ZNF385D: variants seen among roughly 807,000 people sequenced by gnomAD.
The protein encoded by ZNF385D is zinc finger protein 385D, also known as zinc finger protein 659.
Under a neutral mutation model 35.8 loss-of-function variants are expected in ZNF385D, and 15 were observed. That is an observed-to-expected ratio of 0.42 (90% CI 0.28 to 0.64). The LOEUF (loss-of-function observed/expected upper bound fraction) is 0.64, where lower values mean the gene tolerates loss of function less well. Ranked by LOEUF, ZNF385D falls within the 30% of genes least tolerant of loss-of-function variation. The pLI is 0.23. For missense variants in ZNF385D, 474 were observed against 494.6 expected (o/e 0.96, Z 0.39); for synonymous variants, 212 against 186.8 (o/e 1.13, Z -1.10).
intron 2 of ZNF385D, among the ~76,000 whole-genome samples, chr3:22,313,624 T>C (rs1703715894): frequency 1.3e-5 from 2 of 152,082 alleles, no homozygotes; most frequent in African/African-American, 4.8e-5. Context: ...TAAGGCAAAG[T>C]GATACAAGTG....
At chr3:21,503,917 G>C (rs894937969) in intron 4 of ZNF385D, among the ~76,000 whole-genome samples, 1 of 151,968 alleles carries the variant, frequency 6.6e-6, no homozygotes, top group African/African-American at 2.4e-5. Flanking sequence ...TTTTACTTTT[G>C]GTACCTTTAA....
At chr3:21,917,634 C>T (rs370675538) in intron 3 of ZNF385D, among the ~76,000 whole-genome samples, 7 of 152,196 alleles carry the variant, frequency 4.6e-5, no homozygotes, top group Admixed American at 2.0e-4. Context: ...TTCTGCTTCA[C>T]GTTATAGAGT....
At chr3:21,939,194 T>C (rs1701400779) in intron 3 of ZNF385D, among the ~76,000 whole-genome samples, 2 of 152,248 alleles carry the variant, frequency 1.3e-5, no homozygotes, top group South Asian at 4.1e-4. Context: ...ATACCAACTA[T>C]GATCATTACC....
chr3:21,699,248 A>G (rs2067584043), intron 1 of ZNF385D, among the ~76,000 whole-genome samples: 1 of 152,162 alleles, frequency 6.6e-6, no homozygotes, highest in Admixed American at 6.5e-5. Context: ...ACAGAAAACC[A>G]AACACCGCAT....
intron 2 of ZNF385D, among the ~76,000 whole-genome samples, chr3:22,242,869 G>C (rs1199815114): frequency 6.7e-6 from 1 of 148,168 alleles, no homozygotes; most frequent in Non-Finnish European, 1.5e-5. Context: ...TAGATTTATA[G>C]AAGAGGGGTA....
At chr3:21,884,046 A>G (rs1698412647) in intron 3 of ZNF385D, among the ~76,000 whole-genome samples, 1 of 152,030 alleles carries the variant, frequency 6.6e-6, no homozygotes, top group African/African-American at 2.4e-5. Context: ...GTAGCATAAC[A>G]CACACAATAT....
intron 2 of ZNF385D, among the ~76,000 whole-genome samples, chr3:21,591,508 A>G (rs1034013164): frequency 6.6e-6 from 1 of 152,186 alleles, no homozygotes. Flanking sequence ...ATTAATTACT[A>G]TAATAATTAA....
intron 2 of ZNF385D, among the ~76,000 whole-genome samples, chr3:22,246,261 A>G (rs1420127213): frequency 6.6e-6 from 1 of 152,136 alleles, no homozygotes; most frequent in African/African-American, 2.4e-5. Flanking sequence ...CTAATAGCAA[A>G]ATTATTTTTC....
intron 3 of ZNF385D, among the ~76,000 whole-genome samples, chr3:21,816,919 C>A (rs1341110037): frequency 6.6e-6 from 1 of 152,276 alleles, no homozygotes; most frequent in African/African-American, 2.4e-5. Context: ...CATCACACTA[C>A]CTGACTTCAA....
chr3:21,799,977 AG>A (rs2125682133), intron 3 of ZNF385D, among the ~76,000 whole-genome samples: 1 of 152,286 alleles, frequency 6.6e-6, no homozygotes, highest in South Asian at 2.1e-4. Flanking sequence ...GTAGATACCC[AG>A]TTGTCTCAGA....
chr3:22,107,050 G>GTTTTTTTTT (rs1702259499), intron 3 of ZNF385D, among the ~76,000 whole-genome samples: 1 of 61,002 alleles, frequency 1.6e-5, no homozygotes, highest in Non-Finnish European at 4.3e-5. Context: ...TTTAGACAGA[G>GTTTTTTTTT]TTTTGCTCTT....
intron 3 of ZNF385D, among the ~76,000 whole-genome samples, chr3:21,528,256 C>T (rs138135864): frequency 0.011 from 1,641 of 151,622 alleles, 26 homozygotes; most frequent in African/African-American, 0.036. Context: ...ACACCAGAAA[C>T]TAAATAGAAA....
intron 1 of ZNF385D, among the ~76,000 whole-genome samples, chr3:21,691,247 G>C (rs1171631982): frequency 6.6e-6 from 1 of 152,140 alleles, no homozygotes. Context: ...TAGAGAAAAT[G>C]ACATAGCCAC....
At chr3:21,814,158 T>G (rs944830565) in intron 3 of ZNF385D, among the ~76,000 whole-genome samples, 2 of 152,174 alleles carry the variant, frequency 1.3e-5, no homozygotes, top group Non-Finnish European at 2.9e-5. Flanking sequence ...CTGAGAGATT[T>G]TGTCACCAAC....
chr3:22,194,262 C>A (rs1696257346), intron 2 of ZNF385D, among the ~76,000 whole-genome samples: 1 of 151,762 alleles, frequency 6.6e-6, no homozygotes, highest in Admixed American at 6.6e-5. Flanking sequence ...TTGTCATATA[C>A]ATCGGTGCTA....
intron 3 of ZNF385D, among the ~76,000 whole-genome samples, chr3:21,875,038 T>C (rs1227110869): frequency 6.6e-6 from 1 of 152,046 alleles, no homozygotes; most frequent in African/African-American, 2.4e-5. Flanking sequence ...TTAATTTCCT[T>C]TTAGGGTTAT....
At chr3:21,710,587 G>A (rs961016108) in intron 1 of ZNF385D, among the ~76,000 whole-genome samples, 3 of 152,074 alleles carry the variant, frequency 2.0e-5, no homozygotes, top group Admixed American at 1.3e-4. Context: ...TACAGTCCTC[G>A]CATTTTCTCA....
At position 22,103,930 on chromosome 3, in the gene ZNF385D, A is replaced by G. The variant is rs188655901; in HGVS notation, c.325+64887T>C. ...TATATGGCTTTAAATTTTTATTTAA[A>G]TTTAATAGGAAAATCAGTCTTGAGT... On this transcript the variant is annotated intron_variant, in intron 3 of 5. Coordinates refer to the ZNF385D transcript ENST00000494108. 9.0e-3 allele frequency among the ~76,000 whole-genome samples: 1,364 copies of G among 152,234 alleles called. 9 individuals carry two copies. The highest frequency in any genetic ancestry group is 0.014 in the Non-Finnish European group (941 of 68,028).
intron 3 of ZNF385D, among the ~76,000 whole-genome samples, chr3:22,121,435 G>A (rs966697076): frequency 2.6e-5 from 4 of 152,130 alleles, no homozygotes; most frequent in Non-Finnish European, 5.9e-5. Flanking sequence ...CTTTTAAATT[G>A]CCTCTTAATA....
Sources: gnomAD v4.1 joint callset for allele counts (sites outside exome capture counted in the v4.1 genomes callset) on GRCh38, gnomAD v4.1.1 for gene constraint, MANE v1.5 for transcripts, NCBI Gene and HGNC (gene_info 2026-07-23, HGNC 2026-07-21) for gene names.